Variants in SPECC1 observed in about 807,000 individuals in gnomAD.
SPECC1 encodes cytospin-B.
In SPECC1, 62 loss-of-function variants were observed where a neutral mutation model predicts 104.1. The observed-to-expected ratio is 0.60, with a 90% CI of 0.49 to 0.74. The LOEUF (loss-of-function observed/expected upper bound fraction) is 0.74. SPECC1 is among the 30% of genes least tolerant of loss of function. The pLI, the probability that SPECC1 is intolerant of heterozygous loss-of-function variation, is 0.00. For synonymous variants in SPECC1, 513 were observed against 501.6 expected (o/e 1.02, Z -0.30); for missense variants, 1,306 against 1,310.5 (o/e 1.00, Z 0.05).
chr17:20,312,169 GAT>G (rs2041949926), intron 14 of SPECC1, among the ~76,000 whole-genome samples: 2 of 152,166 alleles, frequency 1.3e-5, no homozygotes, highest in Non-Finnish European at 2.9e-5. Flanking sequence ...TTTTTGAAGA[GAT>G]TGTGTAGAAT....
intron 1 of SPECC1, among the ~76,000 whole-genome samples, chr17:20,095,321 C>G (rs1208423404): frequency 2.0e-5 from 3 of 152,186 alleles, no homozygotes; most frequent in Admixed American, 6.5e-5. Flanking sequence ...AATTATGTAA[C>G]TGAATCATTA....
At chr17:20,060,221 G>A (rs2152470639) in intron 1 of SPECC1, among the ~76,000 whole-genome samples, 1 of 152,252 alleles carries the variant, frequency 6.6e-6, no homozygotes, top group Admixed American at 6.5e-5. Flanking sequence ...AAGTGCATCA[G>A]TTTTGCACTG....
Position 20,314,796 on chromosome 17 carries a change from C to G in SPECC1, c.*731C>G, listed in dbSNP as rs552427899. 4.5e-6 allele frequency: 1 copy of G among 221,640 alleles called. No homozygotes were observed. Among genetic ancestry groups the G allele is most frequent in the East Asian group, 6.5e-5 (1 of 15,388 alleles). The allele number at this position is 221,640 out of a possible 1,614,324, so 13.7% of individuals were successfully genotyped here. ...AGCCTTTTGGGGAAAAATGGGAGTTCTAGGTAACAATGTTAACACCTGGAA... is the reference window on the plus strand; with the variant it reads ...AGCCTTTTGGGGAAAAATGGGAGTTGTAGGTAACAATGTTAACACCTGGAA... On this transcript the variant is annotated 3_prime_UTR_variant, in exon 15 of 15. Coordinates refer to ENST00000395527, the MANE Select transcript of SPECC1 (RefSeq NM_001243439.2).
At position 20,253,041 on chromosome 17, in the gene SPECC1, G is replaced by GTT. The variant is rs374086016; in HGVS notation, c.2599-453_2599-452dup. On this transcript the variant is annotated intron_variant, in intron 9 of 14. Coordinates refer to ENST00000395527, the MANE Select transcript of SPECC1 (RefSeq NM_001243439.2). ...CCTCACCAATACTTGTTCTTTTTCAGTTTTTTTTTTTTGATGATGGTCTTC... is the reference window on the plus strand; with the variant it reads ...CCTCACCAATACTTGTTCTTTTTCAGTTTTTTTTTTTTTTGATGATGGTCTTC... Among the ~76,000 whole-genome samples the GTT allele has an allele frequency of 7.1e-3, 1,037 of 145,860 alleles. 7 individuals carry two copies. Among genetic ancestry groups the GTT allele is most frequent in the African/African-American group, 0.023 (902 of 39,916 alleles).
At position 20,253,558 on chromosome 17, in the gene SPECC1, C is replaced by G; in HGVS notation, c.2652C>G (p.Arg884=). The part of the protein sequence containing the change: ...VRPASRGVTQ[R]LDLPDLPLSD... ...CAGCCAGCAGAGGGGTGACTCAACG[C>G]TTGGACCTTCCTGACCTTCCCCTCT... The change falls in exon 10 of 15, where the codon CGC becomes CGG. Residue 884 remains arginine, a synonymous_variant. Transcript: ENST00000395527. The G allele has an allele frequency of 1.9e-6, 3 of 1,614,054 alleles. No homozygotes were observed. Among genetic ancestry groups the G allele is most frequent in the Non-Finnish European group, 1.7e-6 (2 of 1,180,026 alleles).
At position 20,205,203 on chromosome 17, in the gene SPECC1, A is replaced by C. The variant is rs1203036580; in HGVS notation, c.1154A>C (p.His385Pro). ...EKIQKMEENHHSTAEELQATL... is the reference protein window; with the variant it reads ...EKIQKMEENHPSTAEELQATL... ...ATACAAAAGATGGAAGAAAACCACCATAGCACTGCAGAAGAACTACAGGCT... is the reference window on the plus strand; with the variant it reads ...ATACAAAAGATGGAAGAAAACCACCCTAGCACTGCAGAAGAACTACAGGCT... Residue 385 changes from histidine to proline, a missense_variant, in exon 4 of 15, where the codon CAT becomes CCT. Transcript: ENST00000395527. The C allele has an allele frequency of 6.2e-7, 1 of 1,614,084 alleles. No homozygotes were observed.
chr17:20,312,551 G>A (rs768729424), intron 14 of SPECC1, among the ~76,000 whole-genome samples: 17 of 152,050 alleles, frequency 1.1e-4, no homozygotes, highest in Non-Finnish European at 2.2e-4. Context: ...TCTTTTCCCA[G>A]AGCTCATCTA....
At chr17:20,073,600 T>G (rs2046646102) in intron 1 of SPECC1, 1 of 151,924 alleles carries the variant, frequency 6.6e-6, no homozygotes, top group Admixed American at 6.6e-5. Context: ...CCCCTCCGAG[T>G]GTGGTTTTCC....
chr17:20,205,541 G>T lies in SPECC1; in HGVS notation c.1492G>T (p.Val498Phe), dbSNP rs757372441. 1.2e-6 allele frequency: 2 copies of T among 1,614,128 alleles called. No individual in the cohort carries two copies. The highest frequency in any genetic ancestry group is 1.7e-6 in the Non-Finnish European group (2 of 1,180,018). Reference protein sequence around the residue: ...QQQLTCSLRKVEEENQGALEM... With the variant: ...QQQLTCSLRKFEEENQGALEM... ...GCAGTTGACCTGTAGCTTGCGGAAG[G>T]TTGAGGAAGAAAACCAAGGAGCTTT... Residue 498 changes from valine to phenylalanine, a missense_variant, in exon 4 of 15, where the codon GTT becomes TTT. Physicochemically the swap from Val to Phe is conservative, Grantham distance 50. This residue lies in a region of SPECC1 where 1,177 missense variants were observed against 1,139.9 expected (regional missense o/e 1.03). Transcript: ENST00000395527.
intron 1 of SPECC1, among the ~76,000 whole-genome samples, chr17:20,064,767 C>T (rs1280809628): frequency 6.6e-6 from 1 of 152,190 alleles, no homozygotes; most frequent in African/African-American, 2.4e-5. Flanking sequence ...TATGTTTTCA[C>T]AGGGAGGGCA....
rs186068808 is a variant in SPECC1, at chr17:20,029,341, T to C, written c.-22+19917T>C. Among the ~76,000 whole-genome samples the C allele has an allele frequency of 2.0e-3, 302 of 152,350 alleles. 1 individual carries two copies. The highest frequency in any genetic ancestry group is 6.6e-3 in the African/African-American group (275 of 41,582). ...TCACTGCAAGTGTATAGAAATATAATAGATTTTTGTATATTGGTTTTCTAT... is the reference window on the plus strand; with the variant it reads ...TCACTGCAAGTGTATAGAAATATAACAGATTTTTGTATATTGGTTTTCTAT... On this transcript the variant is annotated intron_variant, in intron 1 of 14. Coordinates refer to ENST00000395527, the MANE Select transcript of SPECC1 (RefSeq NM_001243439.2).
intron 1 of SPECC1, among the ~76,000 whole-genome samples, chr17:20,052,729 C>T (rs547068015): frequency 6.6e-6 from 1 of 152,268 alleles, no homozygotes; most frequent in South Asian, 2.1e-4. Context: ...AGCATGGACT[C>T]TAGAGAGGTT....
At chr17:20,131,224 C>T (rs892063468) in intron 3 of SPECC1, among the ~76,000 whole-genome samples, 3 of 152,090 alleles carry the variant, frequency 2.0e-5, no homozygotes, top group African/African-American at 7.2e-5. Flanking sequence ...CGTTTTCTTC[C>T]TCTGTTGCCC....
intron 4 of SPECC1, among the ~76,000 whole-genome samples, chr17:20,219,849 G>A (rs975415227): frequency 6.6e-6 from 1 of 152,010 alleles, no homozygotes; most frequent in East Asian, 1.9e-4. Context: ...CTTTTGATAT[G>A]ATTTTTGTAT....
chr17:20,246,124 A>G, intron 8 of SPECC1, 53 bp downstream of exon 8: 2 of 1,600,174 alleles, frequency 1.2e-6, no homozygotes, highest in Non-Finnish European at 8.5e-7. Flanking sequence ...CTTTGGCCCG[A>G]CATTTGATAT....
chr17:20,293,458 G>A (rs544891281), intron 12 of SPECC1, among the ~76,000 whole-genome samples: 4 of 152,220 alleles, frequency 2.6e-5, no homozygotes, highest in Non-Finnish European at 5.9e-5. Flanking sequence ...GACCTTCCCA[G>A]GGCAGTCAGA....
chr17:20,060,612 A>G (rs1317776493), intron 1 of SPECC1, among the ~76,000 whole-genome samples: 1 of 152,222 alleles, frequency 6.6e-6, no homozygotes, highest in African/African-American at 2.4e-5. Flanking sequence ...TGTGCTTTCT[A>G]TGTGTACTTC....
chr17:20,106,310 A>G (rs2048194349), intron 2 of SPECC1, among the ~76,000 whole-genome samples: 2 of 152,192 alleles, frequency 1.3e-5, no homozygotes, highest in African/African-American at 4.8e-5. Context: ...AATATTAAAC[A>G]TGTATTATAC....
At chr17:20,079,915 C>A (rs1452083171) in intron 1 of SPECC1, among the ~76,000 whole-genome samples, 1 of 152,158 alleles carries the variant, frequency 6.6e-6, no homozygotes, top group Middle Eastern at 3.2e-3. Flanking sequence ...GAGCCTGCAT[C>A]GCTGCAGTCT....
Sources: allele counts gnomAD v4.1 joint callset (sites outside exome capture counted in the v4.1 genomes callset), GRCh38; gene constraint gnomAD v4.1.1; regional missense constraint gnomAD v4.1.1; transcripts MANE v1.5; gene names NCBI Gene and HGNC (gene_info 2026-07-23, HGNC 2026-07-21).